Variants in MYO16 observed in about 807,000 individuals in gnomAD.
MYO16 encodes unconventional myosin-XVI.
Under a neutral mutation model 205.3 loss-of-function variants are expected in MYO16, and 94 were observed. The ratio of observed to expected loss-of-function variants is 0.46; its 90% CI spans 0.39 to 0.54. The LOEUF (loss-of-function observed/expected upper bound fraction) is 0.54. MYO16 is among the 20% of genes least tolerant of loss of function. MYO16 has a pLI of 0.00. For missense variants in MYO16, 2,315 were observed against 2,387.5 expected (o/e 0.97, Z 0.63); for synonymous variants, 988 against 954.0 (o/e 1.04, Z -0.66).
At chr13:108,550,840 G>C in the MYO16 span, among the ~76,000 whole-genome samples, 1 of 152,114 alleles carries the variant, frequency 6.6e-6, no homozygotes, top group African/African-American at 2.4e-5. Context: ...ATCTTTGCCA[G>C]CAATGGTAAC....
chr13:109,180,564 C>G lies in MYO16; in HGVS notation c.5415+931C>G, dbSNP rs145518572. On this transcript the variant is annotated intron_variant, in intron 34 of 34. Coordinates refer to ENST00000457511, the MANE Select transcript of MYO16 (RefSeq NM_001198950.3). ...TATCCAGATGTTTCCACGAAATCAA[C>G]TATACAGCTAATGATCAGCTTTCCT... Among the ~76,000 whole-genome samples the G allele has an allele frequency of 6.4e-3, 971 of 152,280 alleles. 4 individuals carry two copies. Among genetic ancestry groups the G allele is most frequent in the Non-Finnish European group, 9.7e-3 (660 of 68,020 alleles).
At position 109,125,619 on chromosome 13, in the gene MYO16, C is replaced by T. The variant is rs1876212116; in HGVS notation, c.3782+261C>T. On this transcript the variant is annotated intron_variant, in intron 30 of 34. Coordinates refer to ENST00000457511, the MANE Select transcript of MYO16 (RefSeq NM_001198950.3). This position sits in a 1 kb window ranked among gnomAD's most constrained non-coding sequence, Gnocchi z 4.0. Reference sequence around the variant, plus strand: ...CTCCTGCCATGCTTGTGTCACTTAACTACCTCAAGCACACTCTAGTTCTAA... The same window carrying T: ...CTCCTGCCATGCTTGTGTCACTTAATTACCTCAAGCACACTCTAGTTCTAA... 2.6e-5 allele frequency among the ~76,000 whole-genome samples: 4 copies of T among 152,322 alleles called. No individual in the cohort carries two copies. In the South Asian group the frequency reaches 8.3e-4, roughly 32 times the overall value.
At chr13:108,744,922 A>G (rs1291218703) in intron 4 of MYO16, among the ~76,000 whole-genome samples, 1 of 152,196 alleles carries the variant, frequency 6.6e-6, no homozygotes, top group Non-Finnish European at 1.5e-5. Context: ...ATAGTGGAAA[A>G]TTATTCTATC....
chr13:108,848,456 T>C (rs77867093), intron 10 of MYO16, among the ~76,000 whole-genome samples: 1,751 of 152,314 alleles, frequency 0.011, 66 homozygotes, highest in East Asian at 0.097. Context: ...TTTCACTACA[T>C]AACTAAAACT....
chr13:108,909,862 A>G (rs1881174771), intron 15 of MYO16, 141 bp from the exon 16 acceptor site: 2 of 897,054 alleles, frequency 2.2e-6, no homozygotes, highest in African/African-American at 1.7e-5. Flanking sequence ...ATGCAAAAAG[A>G]CAATAAAATA....
rs556879468 is a variant in MYO16 at position 108,644,350 on chromosome 13, ATCTG to A, written c.28+14490_28+14493del. ...GGTTGGAGCATTTATTCTACCATCT[ATCTG>A]TCTGTCTGTCTATCTATCTATCTAT... On this transcript the variant is annotated intron_variant, in intron 1 of 34. Coordinates refer to ENST00000457511, the MANE Select transcript of MYO16 (RefSeq NM_001198950.3). Among the ~76,000 whole-genome samples the A allele has an allele frequency of 1.6e-4, 22 of 138,702 alleles. 1 individual carries two copies. The East Asian group carries it at 1.9e-3, about 12-fold the overall frequency. 91.0% of individuals were successfully genotyped at this position (138,702 alleles called of 152,430 possible).
chr13:109,026,614 A>G (rs13378539), intron 23 of MYO16, among the ~76,000 whole-genome samples: 2,571 of 152,296 alleles, frequency 0.017, 75 homozygotes, highest in African/African-American at 0.059. Flanking sequence ...TAAGAGTAGT[A>G]GTTTTATCAG....
chr13:108,644,249 T>G (rs1372016065), intron 1 of MYO16, among the ~76,000 whole-genome samples: 1 of 152,214 alleles, frequency 6.6e-6, no homozygotes, highest in African/African-American at 2.4e-5. Flanking sequence ...TCACTTTTGA[T>G]GTCTTCCAGT....
chr13:109,149,939 G>A (rs561165834), intron 32 of MYO16, among the ~76,000 whole-genome samples: 7 of 152,146 alleles, frequency 4.6e-5, no homozygotes, highest in Non-Finnish European at 8.8e-5. Flanking sequence ...AATTCACACT[G>A]AAATTGTACT....
chr13:108,797,220 T>C (rs945713666), intron 6 of MYO16, among the ~76,000 whole-genome samples: 1 of 152,202 alleles, frequency 6.6e-6, no homozygotes, highest in African/African-American at 2.4e-5. Flanking sequence ...TCTGGAGATA[T>C]TAAGTTTGAA....
intron 11 of MYO16, among the ~76,000 whole-genome samples, chr13:108,863,737 G>A (rs1398047758): frequency 6.6e-6 from 1 of 152,012 alleles, no homozygotes; most frequent in African/African-American, 2.4e-5. Context: ...GTTATCTTCT[G>A]AAATAATCTG....
chr13:108,955,812 C>G (rs910874868), intron 16 of MYO16, among the ~76,000 whole-genome samples: 1 of 152,194 alleles, frequency 6.6e-6, no homozygotes, highest in Non-Finnish European at 1.5e-5. Context: ...GATTGCCCCA[C>G]TGCACTCCAG....
chr13:109,049,665 T>C (rs926832013), intron 24 of MYO16, among the ~76,000 whole-genome samples: 10 of 152,210 alleles, frequency 6.6e-5, no homozygotes, highest in Non-Finnish European at 1.0e-4. Flanking sequence ...AATAAAATGT[T>C]GCATTGCTTA....
the MYO16 span, among the ~76,000 whole-genome samples, chr13:108,552,110 C>T: frequency 5.3e-5 from 8 of 152,214 alleles, no homozygotes; most frequent in African/African-American, 1.9e-4. Flanking sequence ...GGGAGGGGTC[C>T]ATGGATAGAA....
chr13:108,589,111 A>G, the MYO16 span, among the ~76,000 whole-genome samples: 4 of 152,198 alleles, frequency 2.6e-5, no homozygotes, highest in Non-Finnish European at 1.5e-5. Context: ...GACTAAATTC[A>G]CAGTGGCTGG....
At chr13:108,964,738 T>C in intron 19 of MYO16, 23 bp from the exon 20 acceptor site, 1 of 1,612,922 alleles carries the variant, frequency 6.2e-7, no homozygotes, top group Non-Finnish European at 8.5e-7. Flanking sequence ...TGCTCACTCC[T>C]CCTTTTCTTT....
the MYO16 span, among the ~76,000 whole-genome samples, chr13:108,503,539 C>T: frequency 3.3e-5 from 5 of 152,104 alleles, no homozygotes; most frequent in South Asian, 1.0e-3. Context: ...CTTTGAAGAT[C>T]ATTCAAGTGA....
chr13:108,517,751 G>C, the MYO16 span, among the ~76,000 whole-genome samples: 1 of 152,138 alleles, frequency 6.6e-6, no homozygotes, highest in African/African-American at 2.4e-5. Context: ...ATTATTGTTT[G>C]CTGGCTGCTG....
intron 17 of MYO16, among the ~76,000 whole-genome samples, chr13:108,961,119 C>T (rs991166757): frequency 2.0e-5 from 3 of 152,086 alleles, no homozygotes; most frequent in Admixed American, 6.5e-5. Flanking sequence ...TTGAATGAAG[C>T]GGCCACAGCA....
Sources: gnomAD v4.1 joint callset for allele counts (sites outside exome capture counted in the v4.1 genomes callset) on GRCh38, gnomAD v4.1.1 for gene constraint, Gnocchi (gnomAD v3.1) non-coding constraint, MANE v1.5 for transcripts, NCBI Gene and HGNC (gene_info 2026-07-23, HGNC 2026-07-21) for gene names.